Variants in NPAS3 observed in about 807,000 individuals in gnomAD.
NPAS3 encodes neuronal PAS domain protein 3.
Under a neutral mutation model 73.1 loss-of-function variants are expected in NPAS3, and 14 were observed. The ratio of observed to expected loss-of-function variants is 0.19; its 90% CI spans 0.13 to 0.30. NPAS3 has a LOEUF of 0.30. Among genes scored for constraint, NPAS3 ranks in the 10% least tolerant of loss-of-function variants. NPAS3 has a pLI of 1.00. For missense variants in NPAS3, 1,096 were observed against 1,250.0 expected (o/e 0.88, Z 1.86); for synonymous variants, 620 against 541.5 (o/e 1.14, Z -2.01).
chr14:33,030,064 C>A (rs988247022), intron 1 of NPAS3, among the ~76,000 whole-genome samples: 2 of 152,104 alleles, frequency 1.3e-5, no homozygotes, highest in Non-Finnish European at 2.9e-5. Context: ...GGCATTGTAG[C>A]TTTAAAAATA....
At chr14:32,935,634 G>T (rs1288569225), upstream of NPAS3, among the ~76,000 whole-genome samples, 1 of 152,186 alleles carries the variant, frequency 6.6e-6, no homozygotes, top group African/African-American at 2.4e-5. Flanking sequence ...ACAAAGTCAG[G>T]CTAGGTGGTG....
intron 5 of NPAS3, chr14:33,611,201 G>A (rs1373514612): frequency 6.6e-6 from 1 of 152,118 alleles, no homozygotes; most frequent in Non-Finnish European, 1.5e-5. Context: ...CAGGATTATT[G>A]TAAAAAATTA....
At chr14:33,403,772 G>A (rs768958227) in intron 4 of NPAS3, among the ~76,000 whole-genome samples, 1 of 151,982 alleles carries the variant, frequency 6.6e-6, no homozygotes, top group African/African-American at 2.4e-5. Context: ...GTGGCCCACG[G>A]TAATGGTGGT....
At chr14:33,773,276 G>A (rs1440081043) in intron 7 of NPAS3, among the ~76,000 whole-genome samples, 2 of 152,094 alleles carry the variant, frequency 1.3e-5, no homozygotes, top group Non-Finnish European at 2.9e-5. Flanking sequence ...AAGCACATAT[G>A]GACACTCAGC....
chr14:33,359,833 C>T (rs2045510095), intron 3 of NPAS3, among the ~76,000 whole-genome samples: 1 of 152,180 alleles, frequency 6.6e-6, no homozygotes, highest in East Asian at 1.9e-4. Flanking sequence ...TTTCTGTGTA[C>T]TGTGGGCTTA....
At chr14:33,776,461 G>GTGCC (rs2062818277) in intron 8 of NPAS3, among the ~76,000 whole-genome samples, 1 of 132,564 alleles carries the variant, frequency 7.5e-6, no homozygotes, top group African/African-American at 2.8e-5. Flanking sequence ...GTGCCTCATG[G>GTGCC]TGCCACTCTA....
At chr14:33,522,065 A>T (rs1012598943) in intron 4 of NPAS3, among the ~76,000 whole-genome samples, 1 of 152,146 alleles carries the variant, frequency 6.6e-6, no homozygotes, top group Non-Finnish European at 1.5e-5. Context: ...ATATGAATGA[A>T]AATTTAATAT....
chr14:33,504,399 G>A (rs2052662299), intron 4 of NPAS3, among the ~76,000 whole-genome samples: 1 of 151,918 alleles, frequency 6.6e-6, no homozygotes, highest in South Asian at 2.1e-4. Context: ...AATAAAAGCT[G>A]GCATGAGCTT....
chr14:32,938,684 G>A (rs1449366586), upstream of NPAS3, among the ~76,000 whole-genome samples: 7 of 151,470 alleles, frequency 4.6e-5, no homozygotes, highest in African/African-American at 1.2e-4. Flanking sequence ...CGCAGGGAGG[G>A]TGTGCGCCCC....
intron 3 of NPAS3, among the ~76,000 whole-genome samples, chr14:33,318,516 A>T (rs200809142): frequency 6.6e-5 from 10 of 152,138 alleles, no homozygotes; most frequent in Admixed American, 1.3e-4. Context: ...ACAATTTTTT[A>T]AAAATGTCAT....
rs536581955 is a variant in NPAS3, at chr14:33,614,316, G to C, written c.558+54106G>C. ...GTAGGAGTAATTAATTGCCAAACAG[G>C]CATGACAAAGCTACCCAGAGCTTTC... On this transcript the variant is annotated intron_variant, in intron 5 of 11. Coordinates refer to ENST00000356141, the Ensembl canonical transcript of NPAS3. Among the ~76,000 whole-genome samples, 49 of 152,290 alleles carry C rather than the reference G, an allele frequency of 3.2e-4. 1 individual carries two copies. In the South Asian group the frequency reaches 9.5e-3, roughly 30 times the overall value.
intron 2 of NPAS3, among the ~76,000 whole-genome samples, chr14:33,110,043 G>T (rs922896894): frequency 6.6e-6 from 1 of 151,640 alleles, no homozygotes; most frequent in Non-Finnish European, 1.5e-5. Context: ...CTGTGTCCTG[G>T]CCGAGAGCTC....
At chr14:33,798,977 C>CAAAAAAAAA (rs35096703) in intron 11 of NPAS3, among the ~76,000 whole-genome samples, 1 of 106,210 alleles carries the variant, frequency 9.4e-6, no homozygotes, top group African/African-American at 3.6e-5. Flanking sequence ...CCTGTCTCTA[C>CAAAAAAAAA]AAAAAAAAAA....
At chr14:33,440,064 C>A (rs2049172333) in intron 4 of NPAS3, among the ~76,000 whole-genome samples, 1 of 150,620 alleles carries the variant, frequency 6.6e-6, no homozygotes, top group East Asian at 2.0e-4. Context: ...TGCAGTTAGC[C>A]CAGATCGTGC....
At chr14:33,675,565 G>GA (rs888653142) in intron 5 of NPAS3, among the ~76,000 whole-genome samples, 11 of 152,112 alleles carry the variant, frequency 7.2e-5, no homozygotes, top group East Asian at 1.9e-4. Flanking sequence ...GATTGCAGCA[G>GA]AAAAAAAATA....
intron 2 of NPAS3, among the ~76,000 whole-genome samples, chr14:33,202,553 A>C (rs2046659038): frequency 6.6e-6 from 1 of 152,266 alleles, no homozygotes; most frequent in Admixed American, 6.5e-5. Flanking sequence ...CAGAGGACTG[A>C]GCCTTTTTTT....
intron 4 of NPAS3, among the ~76,000 whole-genome samples, chr14:33,461,312 T>C (rs1332630797): frequency 6.6e-6 from 1 of 152,210 alleles, no homozygotes; most frequent in African/African-American, 2.4e-5. Context: ...CTGAGAAGGC[T>C]ATTTTGATGT....
chr14:33,678,824 C>G (rs145525925), intron 6 of NPAS3, among the ~76,000 whole-genome samples: 67 of 151,774 alleles, frequency 4.4e-4, no homozygotes, highest in African/African-American at 1.6e-3. Flanking sequence ...CTAAATACGA[C>G]AGCAAGCCCA....
At chr14:33,554,437 G>A (rs1164158077) in intron 4 of NPAS3, among the ~76,000 whole-genome samples, 1 of 152,178 alleles carries the variant, frequency 6.6e-6, no homozygotes, top group African/African-American at 2.4e-5. Context: ...CATTGGACAA[G>A]GAGCACATGC....
Sources: allele counts gnomAD v4.1 joint callset (sites outside exome capture counted in the v4.1 genomes callset), GRCh38; gene constraint gnomAD v4.1.1; transcripts MANE v1.5; gene names NCBI Gene and HGNC (gene_info 2026-07-23, HGNC 2026-07-21).